PLPP2: variants seen among roughly 807,000 people sequenced by gnomAD.
PLPP2 encodes phospholipid phosphatase 2.
A neutral mutation model predicts 35.2 loss-of-function variants in PLPP2; 29 were observed. The observed-to-expected ratio is 0.82, with a 90% CI of 0.61 to 1.12. The LOEUF (loss-of-function observed/expected upper bound fraction) is 1.12. Ranked by LOEUF, PLPP2 falls within the 50% of genes most tolerant of loss-of-function variation. PLPP2 has a pLI of 0.00. For missense variants in PLPP2, 353 were observed against 375.2 expected (o/e 0.94, Z 0.49); for synonymous variants, 162 against 167.0 (o/e 0.97, Z 0.23).
At chr19:290,811 T>G in intron 1 of PLPP2, 4 of 724,954 alleles carry the variant, frequency 5.5e-6, no homozygotes, top group Non-Finnish European at 7.5e-6. Context: ...CGGGTTCGAA[T>G]CCCGCCGACG....
At chr19:285,303 A>G (rs1182451239) in intron 3 of PLPP2, 1 of 151,240 alleles carries the variant, frequency 6.6e-6, no homozygotes, top group Admixed American at 6.6e-5. Flanking sequence ...ATAGTGGTAC[A>G]CACTTGTAAT....
intron 3 of PLPP2, chr19:286,713 G>A (rs1970276783): frequency 6.6e-6 from 1 of 152,062 alleles, no homozygotes; most frequent in South Asian, 2.1e-4. Context: ...TGTAATCCCA[G>A]CACTTTAGGA....
chr19:285,263 T>A (rs1425712620), intron 3 of PLPP2: 1 of 151,610 alleles, frequency 6.6e-6, no homozygotes, highest in Non-Finnish European at 1.5e-5. Context: ...TGAAACCCCG[T>A]CTCTACTTAA....
Position 281,506 on chromosome 19 carries a change from C to T in PLPP2, c.749G>A (p.Arg250Gln), listed in dbSNP as rs766998907. 11 of 1,525,234 alleles carry T rather than the reference C, an allele frequency of 7.2e-6. No individual in the cohort carries two copies. Among genetic ancestry groups the T allele is most frequent in the East Asian group, 2.5e-5 (1 of 40,814 alleles). 94.5% of individuals were successfully genotyped at this position (1,525,234 alleles called of 1,614,324 possible). A position where few individuals can be genotyped will look rare whatever the true frequency, so the allele number is the denominator to read the frequency against. The part of the protein sequence containing the change: ...VCYISDFFKA[R>Q]PPQHCLKEEE... ...CTCCTTCAGACAGTGCTGTGGGGGTCGGGCTTTGAAGAAGTCTGAGATGTA... is the reference window on the plus strand; with the variant it reads ...CTCCTTCAGACAGTGCTGTGGGGGTTGGGCTTTGAAGAAGTCTGAGATGTA... The change falls in exon 6 of 6, where the codon CGA (arginine) becomes CAA (glutamine). Residue 250 changes from arginine to glutamine, a missense_variant. Arg to Gln is a conservative substitution (Grantham distance 43). Coordinates refer to ENST00000434325, the MANE Select transcript of PLPP2 (RefSeq NM_003712.4).
At chr19:281,610 G>T (rs917163231) in intron 5 of PLPP2, 73 bp from the exon 6 acceptor site, 7 of 1,336,792 alleles carry the variant, frequency 5.2e-6, no homozygotes, top group African/African-American at 3.0e-5. Flanking sequence ...TGAGCAGGAG[G>T]GGGAGGAACA....
chr19:282,932 C>G (rs1970209933), intron 3 of PLPP2, 123 bp from the exon 4 acceptor site: 1 of 802,996 alleles, frequency 1.2e-6, no homozygotes, highest in Middle Eastern at 3.3e-4. Flanking sequence ...ACTCAAATCC[C>G]AGTAGCAGAA....
intron 3 of PLPP2, chr19:284,048 C>A (rs1970227948): frequency 6.6e-6 from 1 of 152,148 alleles, no homozygotes; most frequent in African/African-American, 2.4e-5. Context: ...ATTCTAAACA[C>A]CCAGTTTAAA....
Position 287,752 on chromosome 19 carries a change from C to A in PLPP2, c.205-1G>T. 1 of 1,612,854 alleles carries A rather than the reference C, an allele frequency of 6.2e-7. No homozygotes were observed. The highest frequency in any genetic ancestry group is 1.7e-4 in the Middle Eastern group (1 of 6,058). On this transcript the variant is annotated splice_acceptor_variant, in intron 2 of 5. Coordinates refer to ENST00000434325, the MANE Select transcript of PLPP2 (RefSeq NM_003712.4). LOFTEE classifies it high-confidence loss of function. The surrounding 1 kb of genome is among the most constrained non-coding windows in gnomAD (Gnocchi z 4.3). ...CCAGGTAGGCTTCCCCGGCCGAGACCTGCAAGAGCAGCCGCAGGAACCAGT... is the reference window on the plus strand; with the variant it reads ...CCAGGTAGGCTTCCCCGGCCGAGACATGCAAGAGCAGCCGCAGGAACCAGT...
At position 288,107 on chromosome 19, in the gene PLPP2, C is replaced by T. The variant is rs753847107; in HGVS notation, c.117G>A (p.Gly39=). The T allele has an allele frequency of 7.4e-6, 12 of 1,613,074 alleles. No individual in the cohort carries two copies. Among genetic ancestry groups the T allele is most frequent in the Admixed American group, 1.7e-5 (1 of 59,938 alleles). ...NAPYKRGFYC[G]DDSIRYPYRP... ...GGTAGGGGTACCGGATGGAGTCATC[C>T]CCGCAGTAAAATCCTCGCTTGTACG... The change falls in exon 2 of 6, where the codon GGG becomes GGA. Residue 39 remains glycine, a synonymous_variant. Coordinates refer to ENST00000434325, the MANE Select transcript of PLPP2 (RefSeq NM_003712.4).
chr19:288,760 G>A (rs769050010), intron 1 of PLPP2, among the ~76,000 whole-genome samples: 7 of 152,120 alleles, frequency 4.6e-5, no homozygotes, highest in East Asian at 1.9e-4. Flanking sequence ...TGGCAGTCAC[G>A]TGTGGGACAC....
intron 3 of PLPP2, chr19:284,644 T>C (rs1271039749): frequency 1.3e-5 from 2 of 152,222 alleles, no homozygotes; most frequent in Admixed American, 6.5e-5. Flanking sequence ...ATAAATACTA[T>C]GTTCAAAGAG....
chr19:289,683 C>A (rs1970345831), intron 1 of PLPP2, among the ~76,000 whole-genome samples: 2 of 151,932 alleles, frequency 1.3e-5, no homozygotes, highest in African/African-American at 4.8e-5. Context: ...AGCCTGGCGA[C>A]AGGGCGAGAC....
chr19:282,280 A>G lies in PLPP2; in HGVS notation c.571T>C (p.Trp191Arg). ...ACTGTGGGTCGCAGCAGCCGTGCCC[A>G]CTTCCAACAGAGTCGTGCCTGCACA... ...LYVQARLCWK[W>R]ARLLRPTVQF... The change falls in exon 5 of 6, where the codon TGG becomes CGG. Residue 191 changes from tryptophan to arginine, a missense_variant. Transcript: ENST00000434325. 3 of 1,613,818 alleles carry G rather than the reference A, an allele frequency of 1.9e-6. No homozygotes were observed. Among genetic ancestry groups the G allele is most frequent in the Non-Finnish European group, 2.5e-6 (3 of 1,179,862 alleles).
In PLPP2 at chr19:287,980, C is replaced by A; in HGVS notation, c.204+40G>T. The A allele has an allele frequency of 6.2e-7, 1 of 1,606,354 alleles. No homozygotes were observed. Among genetic ancestry groups the A allele is most frequent in the South Asian group, 1.1e-5 (1 of 90,218 alleles). On this transcript the variant is annotated intron_variant, in intron 2 of 5. Transcript: ENST00000434325. The surrounding 1 kb of genome is among the most constrained non-coding windows in gnomAD (Gnocchi z 4.3). ...CCCCAGGGTAAAGCTGGCCCCACCC[C>A]ATCCCCCTACCCAGTCCCTCTGAGC...
At position 287,270 on chromosome 19, in the gene PLPP2, T is replaced by A. The variant is rs148810904; in HGVS notation, c.482+204A>T. The A allele has an allele frequency of 1.8e-4, 114 of 627,700 alleles. 1 individual carries two copies. In the African/African-American group the frequency reaches 2.0e-3, roughly 11 times the overall value. The allele number at this position is 627,700 out of a possible 1,614,324, so 38.9% of individuals were successfully genotyped here. On this transcript the variant is annotated intron_variant, in intron 3 of 5. Coordinates refer to ENST00000434325, the MANE Select transcript of PLPP2 (RefSeq NM_003712.4). This position sits in a 1 kb window ranked among gnomAD's most constrained non-coding sequence, Gnocchi z 4.3. The stretch of plus-strand genomic sequence containing the variant: ...TGTACTAAACAACAGAACCCCAAAA[T>A]ACTTAAAGCAAAAACTGACAGAATG...
At position 287,935 on chromosome 19, in the gene PLPP2, G is replaced by A. The variant is rs1970302445; in HGVS notation, c.204+85C>T. On this transcript the variant is annotated intron_variant, in intron 2 of 5. Transcript: ENST00000434325. This position sits in a 1 kb window ranked among gnomAD's most constrained non-coding sequence, Gnocchi z 4.3. Reference sequence around the variant, plus strand: ...CCACACAGACCTCCAGGGCAGGGCTGTGCCACCCCCCCATCAGGCCCCCAG... The same window carrying A: ...CCACACAGACCTCCAGGGCAGGGCTATGCCACCCCCCCATCAGGCCCCCAG... The A allele has an allele frequency of 1.3e-6, 2 of 1,556,658 alleles. No homozygotes were observed. The highest frequency in any genetic ancestry group is 8.7e-7 in the Non-Finnish European group (1 of 1,147,052).
At chr19:291,021 G>A in intron 1 of PLPP2, 2 of 1,278,920 alleles carry the variant, frequency 1.6e-6, no homozygotes, top group African/African-American at 1.5e-5. Flanking sequence ...TGCTGCCGGG[G>A]CGGGGGATGC....
chr19:287,776 G>T lies in PLPP2; in HGVS notation c.205-25C>A. The stretch of plus-strand genomic sequence containing the variant: ...CCTGCAAGAGCAGCCGCAGGAACCA[G>T]TGGGGGTCTCGGTCGGCCCAGGGGC... On this transcript the variant is annotated intron_variant, in intron 2 of 5. Transcript: ENST00000434325. The surrounding 1 kb of genome is among the most constrained non-coding windows in gnomAD (Gnocchi z 4.3). The T allele has an allele frequency of 6.2e-7, 1 of 1,611,788 alleles. No individual in the cohort carries two copies.
At chr19:282,099 C>T (rs1156664010) in intron 5 of PLPP2, 35 bp downstream of exon 5, 1 of 1,609,080 alleles carries the variant, frequency 6.2e-7, no homozygotes, top group Non-Finnish European at 8.5e-7. Context: ...GGTCTCTGGA[C>T]AACACAGGGG....
Sources: allele counts gnomAD v4.1 joint callset (sites outside exome capture counted in the v4.1 genomes callset), GRCh38; gene constraint gnomAD v4.1.1; non-coding constraint Gnocchi (gnomAD v3.1); transcripts MANE v1.5; gene names NCBI Gene and HGNC (gene_info 2026-07-23, HGNC 2026-07-21).